ANKH: variants seen among roughly 807,000 people sequenced by gnomAD.
ANKH encodes the protein ANKH inorganic pyrophosphate transport regulator.
In ANKH, 15 loss-of-function variants were observed where a neutral mutation model predicts 49.0. The ratio of observed to expected loss-of-function variants is 0.31; its 90% CI spans 0.20 to 0.47. ANKH has a LOEUF of 0.47. Among genes scored for constraint, ANKH ranks in the 20% least tolerant of loss-of-function variants. ANKH has a pLI of 1.00. For synonymous variants in ANKH, 273 were observed against 260.0 expected (o/e 1.05, Z -0.48); for missense variants, 429 against 652.0 (o/e 0.66, Z 3.72).
At chr5:14,799,056 GAAT>G (rs1740483974) in intron 1 of ANKH, among the ~76,000 whole-genome samples, 1 of 152,194 alleles carries the variant, frequency 6.6e-6, no homozygotes, top group South Asian at 2.1e-4. Flanking sequence ...GTGGATACAA[GAAT>G]AATAAGAAAG....
At chr5:14,802,179 G>A (rs1740585117) in intron 1 of ANKH, among the ~76,000 whole-genome samples, 1 of 152,080 alleles carries the variant, frequency 6.6e-6, no homozygotes, top group African/African-American at 2.4e-5. Flanking sequence ...TTCAATCTCA[G>A]TGCGTTCAGA....
intron 1 of ANKH, among the ~76,000 whole-genome samples, chr5:14,867,445 T>C (rs566046457): frequency 2.0e-5 from 3 of 152,352 alleles, no homozygotes; most frequent in East Asian, 3.9e-4. Context: ...TCTGTAAAAA[T>C]TGAGATAAAA....
chr5:14,760,878 C>T (rs143581888), intron 2 of ANKH, among the ~76,000 whole-genome samples: 463 of 152,206 alleles, frequency 3.0e-3, no homozygotes, highest in Admixed American at 5.0e-3. Context: ...GAACTATGTC[C>T]CTTCAAAATT....
At chr5:14,815,379 T>C (rs1053448626) in intron 1 of ANKH, among the ~76,000 whole-genome samples, 2 of 152,216 alleles carry the variant, frequency 1.3e-5, no homozygotes, top group Non-Finnish European at 2.9e-5. Flanking sequence ...TGCATGTGAG[T>C]GTGTATGGAT....
In ANKH at chr5:14,749,320, C is replaced by T. The variant is rs187770990; in HGVS notation, c.688-14G>A. Reference sequence around the variant, plus strand: ...TGTTGCATCTCCCTGTGTTAAGAAACGAAGATAAAAGTTACCTGAACTCTA... The same window carrying T: ...TGTTGCATCTCCCTGTGTTAAGAAATGAAGATAAAAGTTACCTGAACTCTA... On this transcript the variant is annotated splice_polypyrimidine_tract_variant and intron_variant, in intron 5 of 11. Coordinates refer to ENST00000284268, the MANE Select transcript of ANKH (RefSeq NM_054027.6). 4.4e-3 allele frequency: 7,086 copies of T among 1,614,080 alleles called. 465 individuals are homozygous for T. The Admixed American group carries it at 0.11, about 25-fold the overall frequency.
At chr5:14,718,959 A>C (rs550199087) in intron 8 of ANKH, among the ~76,000 whole-genome samples, 7 of 152,110 alleles carry the variant, frequency 4.6e-5, no homozygotes, top group Non-Finnish European at 8.8e-5. Flanking sequence ...ATGCAAATGA[A>C]GCACAGGAGA....
intron 1 of ANKH, among the ~76,000 whole-genome samples, chr5:14,850,819 C>T (rs892202566): frequency 3.3e-5 from 5 of 151,928 alleles, no homozygotes; most frequent in African/African-American, 9.7e-5. Flanking sequence ...AGAGAAACTG[C>T]GACGTCTGCC....
rs187420279 is a variant in ANKH, at chr5:14,840,660, A to T, written c.96+30692T>A. Among the ~76,000 whole-genome samples, 350 of 152,334 alleles carry T rather than the reference A, an allele frequency of 2.3e-3. 2 individuals carry two copies. The highest frequency in any genetic ancestry group is 8.1e-3 in the African/African-American group (335 of 41,576). On this transcript the variant is annotated intron_variant, in intron 1 of 11. Transcript: ENST00000284268. The stretch of plus-strand genomic sequence containing the variant: ...ATAAGGTGGTTTCTAGAAATGACAA[A>T]TGATCTGATTTAGCGAGTATTATTA...
In ANKH at chr5:14,751,156, G is replaced by A. The variant is rs140150501; in HGVS notation, c.600C>T (p.Gly200=). The change falls in exon 5 of 12, where the codon GGC becomes GGT. Residue 200 remains glycine (G), a synonymous_variant. Coordinates refer to ENST00000284268, the MANE Select transcript of ANKH (RefSeq NM_054027.6). ...LLIPILSLYM[G]ALVRCTTLCL... ...ACAGGGTGGTGCAGCGCACAAGTGC[G>A]CCCATGTACAAGGAGAGGATCGGGA... 5.5e-5 allele frequency: 88 copies of A among 1,614,082 alleles called. No homozygotes were observed. Among genetic ancestry groups the A allele is most frequent in the East Asian group, 6.7e-5 (3 of 44,890 alleles).
intron 1 of ANKH, 64 bp from the exon 2 acceptor site, chr5:14,769,255 C>T (rs1003634538): frequency 2.0e-5 from 27 of 1,363,122 alleles, no homozygotes; most frequent in Non-Finnish European, 2.6e-5. Context: ...GGAATCATAC[C>T]TCTAAGATGA....
At chr5:14,850,643 G>A (rs919336345) in intron 1 of ANKH, among the ~76,000 whole-genome samples, 3 of 152,246 alleles carry the variant, frequency 2.0e-5, no homozygotes, top group African/African-American at 4.8e-5. Context: ...GAAAGGCAGG[G>A]TGAATGCCGT....
chr5:14,860,690 C>A (rs137886721), intron 1 of ANKH, among the ~76,000 whole-genome samples: 1 of 152,136 alleles, frequency 6.6e-6, no homozygotes, highest in Non-Finnish European at 1.5e-5. Context: ...CTAAGTCAAA[C>A]GGCAAATTAG....
intron 1 of ANKH, among the ~76,000 whole-genome samples, chr5:14,779,368 G>T (rs529789022): frequency 6.6e-6 from 1 of 152,092 alleles, no homozygotes; most frequent in Non-Finnish European, 1.5e-5. Flanking sequence ...GACTCCCAAC[G>T]TCCTCTAGTT....
intron 8 of ANKH, chr5:14,724,662 G>A (rs1434858572): frequency 6.7e-6 from 5 of 751,612 alleles, no homozygotes; most frequent in Non-Finnish European, 8.1e-6. Context: ...GCCATGCATG[G>A]TCCCCGAGCT....
intron 2 of ANKH, among the ~76,000 whole-genome samples, chr5:14,760,691 G>A (rs1176574693): frequency 6.6e-6 from 1 of 152,204 alleles, no homozygotes; most frequent in Non-Finnish European, 1.5e-5. Context: ...TGTGCCAGGC[G>A]AGTAGAGCAA....
intron 8 of ANKH, among the ~76,000 whole-genome samples, chr5:14,729,778 A>G (rs1737938241): frequency 6.6e-6 from 1 of 152,106 alleles, no homozygotes; most frequent in African/African-American, 2.4e-5. Flanking sequence ...TGGGAATGGC[A>G]CTTCCCAGCA....
rs1737795551 is a variant in ANKH at position 14,725,486 on chromosome 5, T to G, written c.1012-8651A>C. ...TGCTAGCTTCTTATCCCATCACGGA[T>G]GGCCAGACCTCTGGCACTCATCTGC... On this transcript the variant is annotated intron_variant, in intron 8 of 11. Transcript: ENST00000284268. The surrounding 1 kb of genome is among the most constrained non-coding windows in gnomAD (Gnocchi z 4.0). Among the ~76,000 whole-genome samples the G allele has an allele frequency of 6.6e-6, 1 of 152,220 alleles. No homozygotes were observed. The highest frequency in any genetic ancestry group is 6.5e-5 in the Admixed American group (1 of 15,288).
chr5:14,774,539 G>A (rs1739551358), intron 1 of ANKH, among the ~76,000 whole-genome samples: 1 of 152,134 alleles, frequency 6.6e-6, no homozygotes. Flanking sequence ...CCAGGCTCAA[G>A]CAATTCTCCT....
At chr5:14,847,243 G>T (rs1741990634) in intron 1 of ANKH, among the ~76,000 whole-genome samples, 1 of 152,108 alleles carries the variant, frequency 6.6e-6, no homozygotes, top group South Asian at 2.1e-4. Context: ...ACCTCAAAGT[G>T]AATGCTTATG....
Sources: allele counts gnomAD v4.1 joint callset (sites outside exome capture counted in the v4.1 genomes callset), GRCh38; gene constraint gnomAD v4.1.1; non-coding constraint Gnocchi (gnomAD v3.1); transcripts MANE v1.5; gene names NCBI Gene and HGNC (gene_info 2026-07-23, HGNC 2026-07-21).